Variants in DNAJC18 observed in about 807,000 individuals in gnomAD.
DNAJC18 encodes dnaJ homolog subfamily C member 18.
Under a neutral mutation model 48.6 loss-of-function variants are expected in DNAJC18, and 40 were observed. The observed-to-expected ratio is 0.82, with a 90% CI of 0.64 to 1.07. The LOEUF is 1.07. Among genes scored for constraint, DNAJC18 ranks in the 50% least tolerant of loss-of-function variants. The pLI is 0.00. For synonymous variants in DNAJC18, 135 were observed against 152.2 expected (o/e 0.89, Z 0.83); for missense variants, 340 against 427.7 (o/e 0.79, Z 1.81).
rs750518144 is a variant in DNAJC18 at position 139,420,170 on chromosome 5, C to T, written c.835G>A (p.Val279Met). The T allele has an allele frequency of 1.2e-6, 2 of 1,611,814 alleles. No individual in the cohort carries two copies. The highest frequency in any genetic ancestry group is 1.7e-6 in the Non-Finnish European group (2 of 1,179,468). ...ETQNLQVPYFVDKNFDKAYRG... is the reference protein window; with the variant it reads ...ETQNLQVPYFMDKNFDKAYRG... ...TAGGCCTTGTCAAAGTTTTTATCCA[C>T]AAAGTAAGGCACCTGCAGGTTCTGA... The change falls in exon 7 of 8, where the codon GTG (valine) becomes ATG (methionine). Residue 279 changes from valine to methionine, a missense_variant. Val to Met is a conservative substitution (Grantham distance 21). Coordinates refer to ENST00000302060, the MANE Select transcript of DNAJC18 (RefSeq NM_152686.4).
At chr5:139,429,670 A>C (rs1759299595) in intron 2 of DNAJC18, among the ~76,000 whole-genome samples, 1 of 152,196 alleles carries the variant, frequency 6.6e-6, no homozygotes, top group Non-Finnish European at 1.5e-5. Flanking sequence ...CACTCTTGTA[A>C]TACCAGTGCT....
At position 139,414,282 on chromosome 5, in the gene DNAJC18, A is replaced by G; in HGVS notation, c.953-10T>C. The stretch of plus-strand genomic sequence containing the variant: ...TTTGTCAGCTCTGACTCTGAAAGAT[A>G]AAAGAGGTAACCAATTCATCAAGAG... On this transcript the variant is annotated splice_polypyrimidine_tract_variant and intron_variant, in intron 7 of 7. Coordinates refer to ENST00000302060, the MANE Select transcript of DNAJC18 (RefSeq NM_152686.4). 1 of 1,607,838 alleles carries G rather than the reference A, an allele frequency of 6.2e-7. No homozygotes were observed. The highest frequency in any genetic ancestry group is 8.5e-7 in the Non-Finnish European group (1 of 1,177,932).
chr5:139,428,111 T>C (rs1759272057), intron 3 of DNAJC18, among the ~76,000 whole-genome samples: 1 of 152,160 alleles, frequency 6.6e-6, no homozygotes, highest in African/African-American at 2.4e-5. Context: ...TAAAATATCA[T>C]GGAGGATGGG....
chr5:139,419,593 A>C (rs955279848), intron 7 of DNAJC18, among the ~76,000 whole-genome samples: 1 of 152,254 alleles, frequency 6.6e-6, no homozygotes, highest in East Asian at 1.9e-4. Context: ...GGACCAAATC[A>C]GCGAGCACCA....
chr5:139,425,055 G>A lies in DNAJC18; in HGVS notation c.619C>T (p.Arg207Ter), dbSNP rs1171513299. Reference protein sequence around the residue: ...DDTYYYRRRHRHERTQTQKEE... With the variant: ...DDTYYYRRRH Reference sequence around the variant, plus strand: ...TTCTGAGTCTGTGTCCTCTCATGTCGGTGCCGTCGACGGTAATAGTAAGTG... The same window carrying A: ...TTCTGAGTCTGTGTCCTCTCATGTCAGTGCCGTCGACGGTAATAGTAAGTG... Residue 207 changes from arginine to a stop codon, truncating the protein, a stop_gained, in exon 5 of 8, where the codon CGA becomes TGA. Transcript: ENST00000302060. LOFTEE classifies it high-confidence loss of function. 5.2e-5 allele frequency: 84 copies of A among 1,613,206 alleles called. No individual in the cohort carries two copies. The highest frequency in any genetic ancestry group is 6.8e-5 in the Non-Finnish European group (80 of 1,179,484).
chr5:139,422,770 C>G lies in DNAJC18; in HGVS notation c.717G>C (p.Val239=). The G allele has an allele frequency of 6.2e-7, 1 of 1,610,628 alleles. No homozygotes were observed. ...GCAGCTGAGTAATGACAGATATAAT[C>G]ACAATCACAAGAACTGGAAGTAGCT... is the stretch of plus-strand genomic sequence containing the variant. ...FIQLLPVLVI[V]IISVITQLLA... is the part of the protein sequence containing the mutation. The change falls in exon 6 of 8, where the codon GTG becomes GTC. Residue 239 remains valine, a synonymous_variant. Transcript: ENST00000302060.
At chr5:139,419,911 T>A in intron 7 of DNAJC18, 142 bp downstream of exon 7, 1 of 818,412 alleles carries the variant, frequency 1.2e-6, no homozygotes, top group Non-Finnish European at 1.8e-6. Context: ...TTTTATAGTA[T>A]CCTGAATGGC....
chr5:139,432,219 C>A (rs373134401), intron 2 of DNAJC18, among the ~76,000 whole-genome samples: 1 of 151,288 alleles, frequency 6.6e-6, no homozygotes, highest in Non-Finnish European at 1.5e-5. Flanking sequence ...GGCTGGAGTG[C>A]GATGGCATGT....
At chr5:139,430,563 T>G (rs1014025418) in intron 2 of DNAJC18, among the ~76,000 whole-genome samples, 1 of 151,416 alleles carries the variant, frequency 6.6e-6, no homozygotes, top group East Asian at 1.9e-4. Flanking sequence ...AAATAAATAT[T>G]ACCTAGTACT....
intron 2 of DNAJC18, among the ~76,000 whole-genome samples, chr5:139,436,509 C>T (rs889935404): frequency 1.4e-5 from 2 of 147,000 alleles, no homozygotes; most frequent in African/African-American, 5.1e-5. Flanking sequence ...AGGGATATCC[C>T]TCTTTCTTTT....
chr5:139,419,252 G>T (rs899248401), intron 7 of DNAJC18: 1 of 404,284 alleles, frequency 2.5e-6, no homozygotes, highest in Admixed American at 3.0e-5. Context: ...TGTGTGTGTA[G>T]AATTCAAGTG....
intron 6 of DNAJC18, 110 bp from the exon 7 acceptor site, chr5:139,420,335 G>T: frequency 8.8e-7 from 1 of 1,132,720 alleles, no homozygotes; most frequent in Non-Finnish European, 1.2e-6. Flanking sequence ...AGCAGAGGCA[G>T]ATATCATTTT....
chr5:139,424,336 G>T (rs1039210358), intron 5 of DNAJC18, among the ~76,000 whole-genome samples: 1 of 152,146 alleles, frequency 6.6e-6, no homozygotes, highest in African/African-American at 2.4e-5. Flanking sequence ...GCCCAGCTGT[G>T]CTTCTTGTCC....
chr5:139,419,958 G>T, intron 7 of DNAJC18, 95 bp downstream of exon 7: 2 of 1,252,832 alleles, frequency 1.6e-6, no homozygotes, highest in Non-Finnish European at 2.2e-6. Flanking sequence ...AACATGCGTA[G>T]CCTCAAACAA....
rs1434506460 is a variant in DNAJC18, at chr5:139,439,378, A to T, written c.40+28T>A. 3 of 1,613,920 alleles carry T rather than the reference A, an allele frequency of 1.9e-6. No homozygotes were observed. In the Admixed American group the frequency reaches 5.0e-5, roughly 27 times the overall value. ...CCTGATCTCTCCCGAAGGCCGCCCT[A>T]TCCCTCCTTCAGGCGGGGACCTAGT... is the stretch of plus-strand genomic sequence containing the variant. On this transcript the variant is annotated intron_variant, in intron 1 of 7. Transcript: ENST00000302060. The surrounding 1 kb of genome is among the most constrained non-coding windows in gnomAD (Gnocchi z 4.1).
At chr5:139,421,848 T>C (rs1759159681) in intron 6 of DNAJC18, among the ~76,000 whole-genome samples, 2 of 152,110 alleles carry the variant, frequency 1.3e-5, no homozygotes, top group South Asian at 4.1e-4. Flanking sequence ...CTGACCTGGA[T>C]TGACCTGGAA....
chr5:139,432,279 C>A lies in DNAJC18; in HGVS notation c.228-3596G>T, dbSNP rs566591791. ...TCCCAGGTTCAAGCAATTCTCCTGC[C>A]TCAGACTCCCGAGTAGCTGGGATTA... On this transcript the variant is annotated intron_variant, in intron 2 of 7. Transcript: ENST00000302060. Among the ~76,000 whole-genome samples the A allele has an allele frequency of 1.4e-3, 210 of 152,112 alleles. 1 individual carries two copies. The highest frequency in any genetic ancestry group is 6.8e-3 in the Middle Eastern group (2 of 294).
chr5:139,435,893 T>C (rs972787573), intron 2 of DNAJC18, among the ~76,000 whole-genome samples: 7 of 151,332 alleles, frequency 4.6e-5, no homozygotes, highest in Admixed American at 6.6e-5. Context: ...GTCTTTTTGT[T>C]TGTTTTTTAT....
chr5:139,426,418 C>T, intron 3 of DNAJC18, 61 bp from the exon 4 acceptor site: 5 of 1,575,264 alleles, frequency 3.2e-6, no homozygotes, highest in South Asian at 1.2e-5. Context: ...AGAGTGATCA[C>T]AGCAGCAGTG....
Sources: allele counts gnomAD v4.1 joint callset (sites outside exome capture counted in the v4.1 genomes callset), GRCh38; gene constraint gnomAD v4.1.1; non-coding constraint Gnocchi (gnomAD v3.1); transcripts MANE v1.5; gene names NCBI Gene and HGNC (gene_info 2026-07-23, HGNC 2026-07-21).